The following DENND2A variants were observed in gnomAD, a reference collection of about 807,000 sequenced individuals.
DENND2A encodes DENN domain-containing protein 2A.
Under a neutral mutation model 105.3 loss-of-function variants are expected in DENND2A, and 53 were observed. That is an observed-to-expected ratio of 0.50 (90% CI 0.40 to 0.63). The LOEUF (loss-of-function observed/expected upper bound fraction) is 0.63. Among genes scored for constraint, DENND2A ranks in the 30% least tolerant of loss-of-function variants. DENND2A has a pLI of 0.00. For missense variants in DENND2A, 1,138 were observed against 1,279.6 expected (o/e 0.89, Z 1.69); for synonymous variants, 522 against 508.4 (o/e 1.03, Z -0.36).
intron 14 of DENND2A, among the ~76,000 whole-genome samples, chr7:140,532,729 C>T (rs1029738049): frequency 2.6e-5 from 4 of 151,948 alleles, no homozygotes; most frequent in African/African-American, 9.7e-5. Context: ...CATGAGGAGG[C>T]ACCCTACGAT....
intron 5 of DENND2A, among the ~76,000 whole-genome samples, chr7:140,580,006 C>T (rs1227742724): frequency 1.3e-5 from 2 of 152,018 alleles, no homozygotes; most frequent in African/African-American, 2.4e-5. Context: ...TGGTGGTGGA[C>T]GCCCATAGTC....
At position 140,585,691 on chromosome 7, in the gene DENND2A, G is replaced by A. The variant is rs200051101; in HGVS notation, c.1143C>T (p.Asn381=). Residue 381 remains asparagine (N), a synonymous_variant, in exon 5 of 20, where the codon AAC becomes AAT. Transcript: ENST00000496613. ...CATGTAACTCGATGTCCTCATAAGG[G>A]TTCTCCTTCATTGGCGGATCTGTGT... is the stretch of plus-strand genomic sequence containing the variant. The part of the protein sequence containing the change: ...EDILDPPMKE[N]PYEDIELHGR... 1.2e-5 allele frequency: 19 copies of A among 1,614,176 alleles called. No homozygotes were observed. The South Asian group carries it at 1.8e-4, about 15-fold the overall frequency.
chr7:140,523,311 C>G lies in DENND2A; in HGVS notation c.2661G>C (p.Arg887Ser). The G allele has an allele frequency of 6.2e-7, 1 of 1,614,146 alleles. No homozygotes were observed. The highest frequency in any genetic ancestry group is 8.5e-7 in the Non-Finnish European group (1 of 1,180,002). Residue 887 changes from arginine (R) to serine (S), a missense_variant, in exon 17 of 20, where the codon AGG becomes AGC. Arg to Ser is a moderately radical substitution (Grantham distance 110, BLOSUM62 -1). Transcript: ENST00000496613. The surrounding 1 kb of genome is among the most constrained non-coding windows in gnomAD (Gnocchi z 4.5). ...GGGAGGTGGCTGAACACTTACCGTG[C>G]CTGCCGTCTAGGGGCCCTTCGTCCT... is the stretch of plus-strand genomic sequence containing the variant. ...CEQDEGPLDG[R>S]HGPESSPLNE... is the part of the protein sequence containing the mutation.
chr7:140,611,123 G>A (rs1318069462), intron 1 of DENND2A, among the ~76,000 whole-genome samples: 1 of 152,060 alleles, frequency 6.6e-6, no homozygotes, highest in African/African-American at 2.4e-5. Context: ...TCGGCTCACC[G>A]CCACTCCACC....
intron 6 of DENND2A, among the ~76,000 whole-genome samples, chr7:140,572,203 C>T (rs1200137936): frequency 6.6e-6 from 1 of 151,704 alleles, no homozygotes; most frequent in African/African-American, 2.4e-5. Flanking sequence ...GATGGGGTTC[C>T]ACCATGTTGC....
chr7:140,572,544 C>T (rs1798134830), intron 6 of DENND2A, among the ~76,000 whole-genome samples: 1 of 151,462 alleles, frequency 6.6e-6, no homozygotes, highest in African/African-American at 2.4e-5. Context: ...AGGCGGATCA[C>T]GCGGTCAGCA....
intron 14 of DENND2A, among the ~76,000 whole-genome samples, chr7:140,539,866 G>A (rs1306856046): frequency 7.2e-5 from 11 of 152,218 alleles, no homozygotes; most frequent in African/African-American, 2.2e-4. Context: ...CATGGAACCC[G>A]TGTAGGATGG....
At chr7:140,608,822 G>T (rs1211582667) in intron 1 of DENND2A, among the ~76,000 whole-genome samples, 1 of 152,130 alleles carries the variant, frequency 6.6e-6, no homozygotes, top group Admixed American at 6.5e-5. Flanking sequence ...CCAAAGTGTG[G>T]TCCATGGGGG....
In DENND2A at chr7:140,615,532, C is replaced by CTT. The variant is rs57498403; in HGVS notation, c.-247-9728_-247-9727dup. Among the ~76,000 whole-genome samples the CTT allele has an allele frequency of 6.5e-3, 919 of 140,932 alleles. 15 individuals carry two copies. Among genetic ancestry groups the CTT allele is most frequent in the African/African-American group, 0.023 (860 of 38,186 alleles). 92.5% of individuals were successfully genotyped at this position (140,932 alleles called of 152,430 possible). A position where few individuals can be genotyped will look rare whatever the true frequency, so the allele number is the denominator to read the frequency against. On this transcript the variant is annotated intron_variant, in intron 1 of 19. Transcript: ENST00000496613. ...AGTCTGCCCATTTCTAGGAGTTCTG[C>CTT]TTTTTTTTTTTTTTTTCTTTTTTGA... is the stretch of plus-strand genomic sequence containing the variant.
At chr7:140,555,772 A>G in intron 11 of DENND2A, 59 bp from the exon 12 acceptor site, 3 of 1,474,134 alleles carry the variant, frequency 2.0e-6, no homozygotes, top group Non-Finnish European at 2.8e-6. Context: ...GAAGAAAGGA[A>G]CCCACATGTT....
chr7:140,575,039 T>C (rs1412178482), intron 5 of DENND2A, among the ~76,000 whole-genome samples: 1 of 151,288 alleles, frequency 6.6e-6, no homozygotes, highest in African/African-American at 2.4e-5. Flanking sequence ...AAAAACAAAG[T>C]CAAAAGGCAA....
At chr7:140,576,523 G>C (rs1208042468) in intron 5 of DENND2A, among the ~76,000 whole-genome samples, 1 of 151,934 alleles carries the variant, frequency 6.6e-6, no homozygotes, top group African/African-American at 2.4e-5. Flanking sequence ...AACTTATGAG[G>C]CCACATTTAT....
At position 140,630,920 on chromosome 7, in the gene DENND2A, A is replaced by G. The variant is rs372365521; in HGVS notation, c.-248+9584T>C. ...AACAAAGGTGTGCAGGAGCCCAACA[A>G]GCAGAATGGCCTTATTGTTAACACT... On this transcript the variant is annotated intron_variant, in intron 1 of 19. Coordinates refer to ENST00000496613, the MANE Select transcript of DENND2A (RefSeq NM_015689.5). Among the ~76,000 whole-genome samples the G allele has an allele frequency of 4.5e-4, 68 of 152,322 alleles. No individual in the cohort carries two copies. In the South Asian group the frequency reaches 0.013, roughly 30 times the overall value.
chr7:140,557,759 C>T (rs1033944502), intron 11 of DENND2A, among the ~76,000 whole-genome samples: 1 of 149,784 alleles, frequency 6.7e-6, no homozygotes, highest in African/African-American at 2.4e-5. Context: ...AGGATGGTCT[C>T]GATCTCCTGA....
chr7:140,576,153 A>G (rs902856403), intron 5 of DENND2A, among the ~76,000 whole-genome samples: 5 of 151,730 alleles, frequency 3.3e-5, no homozygotes, highest in Non-Finnish European at 7.4e-5. Context: ...TAATGTTTTT[A>G]CTATTTTCAA....
rs746913377 is a variant in DENND2A, at chr7:140,569,715, A to T, written c.1470T>A (p.Ile490=). Residue 490 remains isoleucine, a synonymous_variant, in exon 7 of 20, where the codon ATT becomes ATA. Transcript: ENST00000496613. ...GTTTCTTTCCTCTCCGGACCTCATA[A>T]ATGGCGTTGATTCGCAACACCAGCT... ...IPKLVLRINA[I]YEVRRGKKRV... is the part of the protein sequence containing the mutation. The T allele has an allele frequency of 1.2e-6, 2 of 1,613,630 alleles. No individual in the cohort carries two copies. The highest frequency in any genetic ancestry group is 1.7e-4 in the Middle Eastern group (1 of 6,058).
intron 9 of DENND2A, among the ~76,000 whole-genome samples, chr7:140,561,964 A>G (rs1423254447): frequency 6.6e-6 from 1 of 150,872 alleles, no homozygotes; most frequent in African/African-American, 2.4e-5. Flanking sequence ...ATCTCGGCTC[A>G]CTGCAACCTC....
At chr7:140,574,719 G>C (rs74300710) in intron 5 of DENND2A, among the ~76,000 whole-genome samples, 3 of 152,042 alleles carry the variant, frequency 2.0e-5, no homozygotes, top group South Asian at 2.1e-4. Context: ...TCTAAAACAG[G>C]CCTCTTCAAA....
intron 3 of DENND2A, among the ~76,000 whole-genome samples, chr7:140,595,381 T>TA (rs879782639): frequency 3.5e-4 from 51 of 146,470 alleles, no homozygotes; most frequent in East Asian, 1.6e-3. Flanking sequence ...CTTCAAGATT[T>TA]AAAAAAAAAA....
Sources: gnomAD v4.1 joint callset for allele counts (sites outside exome capture counted in the v4.1 genomes callset) on GRCh38, gnomAD v4.1.1 for gene constraint, Gnocchi (gnomAD v3.1) non-coding constraint, MANE v1.5 for transcripts, NCBI Gene and HGNC (gene_info 2026-07-23, HGNC 2026-07-21) for gene names.